PCDH15: variants seen among roughly 807,000 people sequenced by gnomAD.
PCDH15 encodes protocadherin related 15.
Under a neutral mutation model 178.5 loss-of-function variants are expected in PCDH15, and 129 were observed. The ratio of observed to expected loss-of-function variants is 0.72; its 90% CI spans 0.63 to 0.84. PCDH15 has a LOEUF of 0.84. Ranked by LOEUF, PCDH15 falls within the 40% of genes least tolerant of loss-of-function variation. The pLI is 0.00. For synonymous variants in PCDH15, 800 were observed against 732.0 expected (o/e 1.09, Z -1.50); for missense variants, 2,230 against 2,099.9 (o/e 1.06, Z -1.21).
At position 53,959,842 on chromosome 10, in the gene PCDH15, C is replaced by T. The variant is rs2088092428; in HGVS notation, c.3012G>A (p.Leu1004=). Residue 1004 remains leucine, a splice_region_variant and synonymous_variant, in exon 23 of 38, where the codon TTG becomes TTA. Coordinates refer to ENST00000644397, the MANE Select transcript of PCDH15 (RefSeq NM_001384140.1). The part of the protein sequence containing the change: ...LNEEPTTIFK[L]VVVAFDDGEP... ...CCCCATCATCAAAAGCAACCACCAC[C>T]AACTTAAAAAGCAATAAAAATTCAT... 1.9e-6 allele frequency: 3 copies of T among 1,611,600 alleles called. No homozygotes were observed. Among genetic ancestry groups the T allele is most frequent in the South Asian group, 1.1e-5 (1 of 91,036 alleles).
At chr10:54,767,396 A>G (rs1245901300) in intron 1 of PCDH15, among the ~76,000 whole-genome samples, 2 of 152,150 alleles carry the variant, frequency 1.3e-5, no homozygotes, top group African/African-American at 4.8e-5. Flanking sequence ...CAATTAATAA[A>G]TGAGGGAGTA....
intron 2 of PCDH15, chr10:54,528,314 C>T: frequency 7.3e-7 from 1 of 1,367,962 alleles, no homozygotes; most frequent in South Asian, 1.3e-5. Context: ...TAATAATGTT[C>T]TAAAGAGAAT....
At chr10:53,914,834 A>G (rs1034446475) in intron 25 of PCDH15, among the ~76,000 whole-genome samples, 6 of 152,200 alleles carry the variant, frequency 3.9e-5, no homozygotes, top group Non-Finnish European at 7.3e-5. Flanking sequence ...ATTTCTCTAA[A>G]AAGTTTAACT....
chr10:54,683,930 G>C (rs1176800801), intron 1 of PCDH15, among the ~76,000 whole-genome samples: 3 of 151,914 alleles, frequency 2.0e-5, no homozygotes, highest in African/African-American at 7.2e-5. Context: ...GTTGATTATA[G>C]CATAGCACAA....
At chr10:55,005,251 T>A (rs1017784826) in intron 2 of PCDH15, among the ~76,000 whole-genome samples, 1 of 86,468 alleles carries the variant, frequency 1.2e-5, no homozygotes, top group African/African-American at 4.5e-5. Context: ...TTGGTAGAAT[T>A]GTATTTTTAT....
At chr10:54,243,261 G>A (rs773504964) in intron 8 of PCDH15, among the ~76,000 whole-genome samples, 17 of 152,290 alleles carry the variant, frequency 1.1e-4, no homozygotes, top group Non-Finnish European at 2.2e-4. Flanking sequence ...TGTAATCCCA[G>A]CACTTTGGGA....
intron 2 of PCDH15, among the ~76,000 whole-genome samples, chr10:54,648,814 T>C (rs1565847516): frequency 6.6e-6 from 1 of 152,146 alleles, no homozygotes; most frequent in Non-Finnish European, 1.5e-5. Flanking sequence ...ATGATATATA[T>C]TTTTTTCCTG....
chr10:55,311,961 C>T lies in PCDH15; in HGVS notation c.-156+7638G>A, dbSNP rs149641279. ...GATGATAAAGCGATGAATCATCCAA[C>T]TCTAGAACAATTGGAAACAGCTTCT... On this transcript the variant is annotated intron_variant, in intron 1 of 5. Transcript: ENST00000458638. 3.2e-4 allele frequency among the ~76,000 whole-genome samples: 48 copies of T among 152,280 alleles called. No individual in the cohort carries two copies. The East Asian group carries it at 8.7e-3, about 28-fold the overall frequency.
intron 6 of PCDH15, among the ~76,000 whole-genome samples, chr10:54,335,444 T>C (rs907833864): frequency 6.6e-6 from 1 of 152,198 alleles, no homozygotes; most frequent in Non-Finnish European, 1.5e-5. Context: ...TGTGTCCTCA[T>C]GCAAATTTCA....
At chr10:55,385,726 T>TATGTATAG (rs1268298989) in intron 2 of PCDH15, among the ~76,000 whole-genome samples, 248 of 143,036 alleles carry the variant, frequency 1.7e-3, no homozygotes, top group African/African-American at 6.1e-3. Flanking sequence ...TATGCATATA[T>TATGTATAG]ATATACACGT....
At chr10:55,439,692 G>C (rs1232826388) in intron 2 of PCDH15, among the ~76,000 whole-genome samples, 1 of 151,964 alleles carries the variant, frequency 6.6e-6, no homozygotes, top group Non-Finnish European at 1.5e-5. Context: ...ACAAAGAAGG[G>C]AGAGGAGACA....
intron 3 of PCDH15, among the ~76,000 whole-genome samples, chr10:54,818,053 G>A (rs1420215433): frequency 6.6e-6 from 1 of 151,886 alleles, no homozygotes; most frequent in Non-Finnish European, 1.5e-5. Context: ...CTAAAGTTTG[G>A]AGTATTAAAA....
At chr10:54,821,515 A>C (rs1953039796) in intron 3 of PCDH15, among the ~76,000 whole-genome samples, 1 of 152,184 alleles carries the variant, frequency 6.6e-6, no homozygotes, top group Non-Finnish European at 1.5e-5. Flanking sequence ...GGCACATACC[A>C]AGAAAATCAC....
intron 2 of PCDH15, among the ~76,000 whole-genome samples, chr10:54,553,643 G>A (rs10825356): frequency 0.41 from 62,553 of 151,754 alleles, 13,559 homozygotes; most frequent in Non-Finnish European, 0.48. Context: ...GTTCCTCCTC[G>A]GACTGGTATC....
At chr10:54,158,249 C>G (rs532238106) in intron 13 of PCDH15, among the ~76,000 whole-genome samples, 2 of 152,232 alleles carry the variant, frequency 1.3e-5, no homozygotes, top group Non-Finnish European at 2.9e-5. Context: ...CAAAAGAAAA[C>G]AGGTATTGAA....
Position 55,237,279 on chromosome 10 carries a change from C to G in PCDH15, c.-155-70628G>C, listed in dbSNP as rs982140517. Among the ~76,000 whole-genome samples, 3 of 152,078 alleles carry G rather than the reference C, an allele frequency of 2.0e-5. No homozygotes were observed. In the East Asian group the frequency reaches 5.8e-4, roughly 29 times the overall value. ...TGGGATTTCTGTGTTGAAGAAAAAA[C>G]AGCCCCTTCTTTTACTTAAAGACAG... On this transcript the variant is annotated intron_variant, in intron 1 of 5. Coordinates refer to the PCDH15 transcript ENST00000458638.
intron 8 of PCDH15, among the ~76,000 whole-genome samples, chr10:54,242,239 CA>C (rs1485404472): frequency 7.3e-6 from 1 of 136,652 alleles, no homozygotes; most frequent in Admixed American, 7.6e-5. Flanking sequence ...AATATATTAG[CA>C]AGCAATCCCA....
At chr10:53,888,456 T>C (rs2081306647) in intron 26 of PCDH15, among the ~76,000 whole-genome samples, 1 of 143,320 alleles carries the variant, frequency 7.0e-6, no homozygotes, top group African/African-American at 2.5e-5. Flanking sequence ...GGTAAGGAGA[T>C]ATGCATAAGT....
intron 1 of PCDH15, among the ~76,000 whole-genome samples, chr10:54,729,126 A>AGGTGG: frequency 6.6e-6 from 1 of 151,794 alleles, no homozygotes; most frequent in Non-Finnish European, 1.5e-5. Context: ...ATCCTAAACA[A>AGGTGG]AAACAACAAA....
Sources: allele counts gnomAD v4.1 joint callset (sites outside exome capture counted in the v4.1 genomes callset), GRCh38; gene constraint gnomAD v4.1.1; transcripts MANE v1.5; gene names NCBI Gene and HGNC (gene_info 2026-07-23, HGNC 2026-07-21).